FOXP2: variants seen among roughly 807,000 people sequenced by gnomAD.
The protein encoded by FOXP2 is forkhead box protein P2.
A neutral mutation model predicts 115.8 loss-of-function variants in FOXP2; 12 were observed. The ratio of observed to expected loss-of-function variants is 0.10; its 90% CI spans 0.07 to 0.17. The LOEUF is 0.17. FOXP2 is among the 10% of genes least tolerant of loss of function. The pLI is 1.00. For missense variants in FOXP2, 629 were observed against 843.5 expected, an observed-to-expected ratio of 0.75 and a Z score of 3.15; for synonymous variants, 328 against 297.7, an observed-to-expected ratio of 1.10 and a Z score of -1.05.
At chr7:114,183,587 T>C (rs995497479) in intron 1 of FOXP2, among the ~76,000 whole-genome samples, 2 of 152,182 alleles carry the variant, frequency 1.3e-5, no homozygotes, top group Non-Finnish European at 2.9e-5. Context: ...TACTTTCTAC[T>C]GTTAACTTAA....
rs377017889 is a variant in FOXP2, at chr7:114,451,092, T to A, written c.168+24413T>A. ...AATCATCAACTAATGTTTTTTATAG[T>A]GTACATATTGAGAGTAAATAAAATT... is the stretch of plus-strand genomic sequence containing the variant. On this transcript the variant is annotated intron_variant, in intron 2 of 16. Coordinates refer to ENST00000350908, the MANE Select transcript of FOXP2 (RefSeq NM_014491.4). Among the ~76,000 whole-genome samples the A allele has an allele frequency of 8.5e-4, 129 of 152,228 alleles. 2 individuals are homozygous for A. The South Asian group carries it at 0.021, about 25-fold the overall frequency.
intron 2 of FOXP2, among the ~76,000 whole-genome samples, chr7:114,466,107 T>G (rs1584770394): frequency 6.6e-6 from 1 of 152,318 alleles, no homozygotes; most frequent in East Asian, 1.9e-4. Context: ...CAGCTTACTT[T>G]CTTTTTGAGT....
At chr7:114,202,938 A>C (rs985772381) in intron 1 of FOXP2, among the ~76,000 whole-genome samples, 3 of 152,146 alleles carry the variant, frequency 2.0e-5, no homozygotes, top group African/African-American at 7.2e-5. Context: ...TTTCCTGGCT[A>C]CTAAAAAATG....
intron 16 of FOXP2, among the ~76,000 whole-genome samples, chr7:114,675,145 A>C (rs1807689265): frequency 6.6e-6 from 1 of 152,104 alleles, no homozygotes; most frequent in Admixed American, 6.6e-5. Flanking sequence ...AGATAACTAA[A>C]CTTGTCGTTT....
Position 114,337,716 on chromosome 7 carries a change from G to T in FOXP2, c.-11+49607G>T, listed in dbSNP as rs552291269. Among the ~76,000 whole-genome samples, 40 of 151,114 alleles carry T rather than the reference G, an allele frequency of 2.6e-4. 1 individual carries two copies. The Admixed American group carries it at 2.6e-3, about 10-fold the overall frequency. ...GCTGTGCTAAAAATGTAAGCAAGCCGATTTTGTATTAGATGAAAAATGAAA... is the reference window on the plus strand; with the variant it reads ...GCTGTGCTAAAAATGTAAGCAAGCCTATTTTGTATTAGATGAAAAATGAAA... On this transcript the variant is annotated intron_variant, in intron 2 of 17. Transcript: ENST00000634411.
chr7:114,629,488 T>C, intron 4 of FOXP2: 4 of 965,518 alleles, frequency 4.1e-6, no homozygotes, highest in Middle Eastern at 2.6e-4. Flanking sequence ...TGGTAGAGTA[T>C]AGCCTAGTTT....
intron 2 of FOXP2, among the ~76,000 whole-genome samples, chr7:114,486,106 T>A (rs1167843941): frequency 1.3e-5 from 2 of 152,090 alleles, no homozygotes; most frequent in African/African-American, 4.8e-5. Flanking sequence ...ATCAAACATG[T>A]CTGTATTAGT....
chr7:114,155,330 A>AT (rs747635021), intron 1 of FOXP2, among the ~76,000 whole-genome samples: 14 of 152,250 alleles, frequency 9.2e-5, no homozygotes, highest in South Asian at 2.1e-4. Flanking sequence ...CAGCATTAAC[A>AT]TTAAAACAGA....
In FOXP2 at chr7:114,599,382, T is replaced by C. The variant is rs897068834; in HGVS notation, c.259-29158T>C. Among the ~76,000 whole-genome samples, 3 of 152,194 alleles carry C rather than the reference T, an allele frequency of 2.0e-5. No individual in the cohort carries two copies. In the East Asian group the frequency reaches 5.8e-4, roughly 29 times the overall value. ...GACTTATATTGATTTATTTTAAATG[T>C]TAAATTAACTGCAAGAGTTTGTGGA... On this transcript the variant is annotated intron_variant, in intron 3 of 16. Transcript: ENST00000350908.
At chr7:114,526,172 T>TAAAAAAAAAAAA in intron 2 of FOXP2, among the ~76,000 whole-genome samples, 1 of 79,742 alleles carries the variant, frequency 1.3e-5, no homozygotes. Context: ...GTTTCTTTAT[T>TAAAAAAAAAAAA]AAAAAAAAAA....
intron 1 of FOXP2, among the ~76,000 whole-genome samples, chr7:114,247,700 C>A (rs1228676551): frequency 6.6e-6 from 1 of 152,168 alleles, no homozygotes; most frequent in African/African-American, 2.4e-5. Flanking sequence ...TAGTCCACTT[C>A]TGGGCTGGAA....
chr7:114,654,347 A>G (rs891836636), intron 10 of FOXP2, among the ~76,000 whole-genome samples: 2 of 152,176 alleles, frequency 1.3e-5, no homozygotes, highest in Admixed American at 1.3e-4. Flanking sequence ...GAAAAGTAGT[A>G]ACGTACAAAT....
chr7:114,310,252 G>C (rs1335021744), intron 2 of FOXP2, among the ~76,000 whole-genome samples: 4 of 152,178 alleles, frequency 2.6e-5, no homozygotes, highest in African/African-American at 9.7e-5. Flanking sequence ...ACCTTGAGTG[G>C]TGTGGTTAGG....
chr7:114,284,751 T>A (rs1234324145), intron 1 of FOXP2, among the ~76,000 whole-genome samples: 2 of 152,176 alleles, frequency 1.3e-5, no homozygotes, highest in African/African-American at 2.4e-5. Flanking sequence ...TAAAGACACA[T>A]GCTCACATAT....
At chr7:114,261,160 A>G (rs886078495) in intron 1 of FOXP2, among the ~76,000 whole-genome samples, 5 of 152,218 alleles carry the variant, frequency 3.3e-5, no homozygotes, top group African/African-American at 9.6e-5. Context: ...TTAATGAATT[A>G]ATGTTTATAA....
chr7:114,600,621 A>G (rs1802969125), intron 3 of FOXP2, among the ~76,000 whole-genome samples: 1 of 152,212 alleles, frequency 6.6e-6, no homozygotes, highest in Non-Finnish European at 1.5e-5. Flanking sequence ...ATTGTGTTAC[A>G]TTCCCACCAG....
At chr7:114,323,800 G>T (rs1051559002) in intron 2 of FOXP2, among the ~76,000 whole-genome samples, 11 of 151,992 alleles carry the variant, frequency 7.2e-5, no homozygotes, top group South Asian at 2.1e-4. Context: ...GTTATTTTTA[G>T]ATTTTGTCTT....
rs370140208 is a variant in FOXP2 at position 114,570,130 on chromosome 7, A to G, written c.258+35424A>G. 1.2e-4 allele frequency among the ~76,000 whole-genome samples: 18 copies of G among 152,016 alleles called. No homozygotes were observed. The East Asian group carries it at 3.1e-3, about 26-fold the overall frequency. ...TGACATTCCATGTCATTTATCAATA[A>G]ATAATCACTTTGCTTTTACAGATAA... On this transcript the variant is annotated intron_variant, in intron 3 of 16. Coordinates refer to ENST00000350908, the MANE Select transcript of FOXP2 (RefSeq NM_014491.4).
Position 114,663,182 on chromosome 7 carries a change from C to T in FOXP2, c.1770-268C>T, listed in dbSNP as rs562594577. Among the ~76,000 whole-genome samples, 4 of 152,170 alleles carry T rather than the reference C, an allele frequency of 2.6e-5. No individual in the cohort carries two copies. In the East Asian group the frequency reaches 5.8e-4, roughly 22 times the overall value. On this transcript the variant is annotated intron_variant, in intron 14 of 16. Transcript: ENST00000350908. ...AATGAAACCTTCACACAACTAGAAA[C>T]AGGTTTAAGGATCCTCAAGGTCATG...
Sources: allele counts gnomAD v4.1 joint callset (sites outside exome capture counted in the v4.1 genomes callset), GRCh38; gene constraint gnomAD v4.1.1; transcripts MANE v1.5; gene names NCBI Gene and HGNC (gene_info 2026-07-23, HGNC 2026-07-21).